FBXL6: variants seen among roughly 807,000 people sequenced by gnomAD.
FBXL6 encodes the protein F-box/LRR-repeat protein 6.
A neutral mutation model predicts 53.3 loss-of-function variants in FBXL6; 50 were observed. The ratio of observed to expected loss-of-function variants is 0.94; its 90% CI spans 0.75 to 1.19. FBXL6 has a LOEUF of 1.19. Among genes scored for constraint, FBXL6 ranks in the 50% most tolerant of loss-of-function variants. The probability of loss-of-function intolerance (pLI) is 0.00; values close to 1 mark genes in which losing one functional copy is unlikely to be tolerated. For synonymous variants in FBXL6, 405 were observed against 322.9 expected, an observed-to-expected ratio of 1.25 and a Z score of -2.73; for missense variants, 815 against 719.0, an observed-to-expected ratio of 1.13 and a Z score of -1.53.
In FBXL6 at chr8:144,357,450, G is replaced by A. The variant is rs782316664; in HGVS notation, c.628C>T (p.Pro210Ser). 2.5e-5 allele frequency: 41 copies of A among 1,612,784 alleles called. No individual in the cohort carries two copies. The highest frequency in any genetic ancestry group is 3.3e-5 in the Non-Finnish European group (39 of 1,179,694). Residue 210 changes from proline (P) to serine (S), a missense_variant, in exon 3 of 9, where the codon CCC becomes TCC. Physicochemically the swap from Pro to Ser is moderately conservative, Grantham distance 74. Coordinates refer to ENST00000331890, the MANE Select transcript of FBXL6 (RefSeq NM_012162.4). ...CCTGGAGCTCTCACCTTCAACACGGGGTGTACCTGAGACTTCCAGTGGATG... is the reference window on the plus strand; with the variant it reads ...CCTGGAGCTCTCACCTTCAACACGGAGTGTACCTGAGACTTCCAGTGGATG... ...TLIHWKSQVH[P>S]VLKLVGECCP... is the part of the protein sequence containing the mutation.
In FBXL6 at chr8:144,358,151, GGGTGCC is replaced by G; in HGVS notation, c.291_296del (p.Ala98_Pro99del). On this transcript the variant is annotated inframe_deletion, in exon 1 of 9. Transcript: ENST00000331890. ...CGGGCCCTTCCTCGGGCGTGGGCGT[GGGTGCC>G]GGTGCGGGTGCGGGCGCGGCCGCCG... is the stretch of plus-strand genomic sequence containing the variant. 2 of 1,541,048 alleles carry G rather than the reference GGGTGCC, an allele frequency of 1.3e-6. No individual in the cohort carries two copies. The highest frequency in any genetic ancestry group is 1.7e-6 in the Non-Finnish European group (2 of 1,152,056).
Position 144,355,613 on chromosome 8 carries a change from C to A in FBXL6, c.1538G>T (p.Arg513Leu), listed in dbSNP as rs377590753. 1 of 1,611,140 alleles carries A rather than the reference C, an allele frequency of 6.2e-7. No individual in the cohort carries two copies. The highest frequency in any genetic ancestry group is 1.3e-5 in the African/African-American group (1 of 74,838). ...GCCCCGGTAGGCCCGCTTCAGACCC[C>A]GGGGAAGGCAGCGGCAGGACTCCAG... ...LNLESCRCLP[R>L]GLKRAYRGLE... Residue 513 changes from arginine to leucine, a missense_variant, in exon 9 of 9, where the codon CGG becomes CTG. By Grantham distance (102) the Arg-to-Leu change is moderately radical. Transcript: ENST00000331890.
At chr8:144,357,949 C>T in intron 1 of FBXL6, 83 bp downstream of exon 1, 1 of 1,466,950 alleles carries the variant, frequency 6.8e-7, no homozygotes, top group Non-Finnish European at 8.9e-7. Context: ...ATGCTTTCGC[C>T]CTCCGCCCCC....
rs147758693 is a variant in FBXL6 at position 144,357,684 on chromosome 8, G to A, written c.519C>T (p.Gly173=). Residue 173 remains glycine, a synonymous_variant, in exon 2 of 9, where the codon GGC becomes GGT. Transcript: ENST00000331890. ...SSPLVGRPAK[G]GVKAEKKLLA... Reference sequence around the variant, plus strand: ...GGAGCTTCTTCTCCGCCTTGACCCCGCCCTTGGCAGGCCGGCCGACCAGCG... The same window carrying A: ...GGAGCTTCTTCTCCGCCTTGACCCCACCCTTGGCAGGCCGGCCGACCAGCG... The A allele has an allele frequency of 4.2e-5, 68 of 1,610,824 alleles. No homozygotes were observed. The African/African-American group carries it at 8.4e-4, about 20-fold the overall frequency.
Position 144,356,813 on chromosome 8 carries a change from G to A in FBXL6, c.874C>T (p.Leu292=), listed in dbSNP as rs782005596. The A allele has an allele frequency of 2.5e-6, 4 of 1,613,336 alleles. No individual in the cohort carries two copies. Among genetic ancestry groups the A allele is most frequent in the Non-Finnish European group, 3.4e-6 (4 of 1,180,002 alleles). The change falls in exon 5 of 9, where the codon CTG becomes TTG. Residue 292 remains leucine (L), a synonymous_variant. Transcript: ENST00000331890. The stretch of plus-strand genomic sequence containing the variant: ...TCCCACCAATGCCAACTTACCAGCA[G>A]TGCGCCCAGGATGGCTGTCGTCTGG... ...SSQTTAILGA[L]LGSCCPQLQV... is the part of the protein sequence containing the mutation.
chr8:144,355,536 T>G lies in FBXL6; in HGVS notation c.1615A>C (p.Ser539Arg). ...LEQLLTSPSP[S>R] The stretch of plus-strand genomic sequence containing the variant: ...TGTCCCAGGTCTGTGGCTGCCTAGC[T>G]GGGTGAGGGGCTGGTGAGCAGCTGC... The change falls in exon 9 of 9, where the codon AGC (serine) becomes CGC (arginine). Residue 539 changes from serine (S) to arginine (R), a missense_variant. Ser to Arg is a moderately radical substitution (Grantham distance 110). Coordinates refer to ENST00000331890, the MANE Select transcript of FBXL6 (RefSeq NM_012162.4). 2 of 1,608,402 alleles carry G rather than the reference T, an allele frequency of 1.2e-6. No homozygotes were observed. The highest frequency in any genetic ancestry group is 2.2e-5 in the South Asian group (2 of 90,974).
chr8:144,358,470 A>G lies in FBXL6; in HGVS notation c.-23T>C, dbSNP rs1239473429. 1.1e-5 allele frequency: 14 copies of G among 1,233,600 alleles called. No homozygotes were observed. The highest frequency in any genetic ancestry group is 1.4e-5 in the Non-Finnish European group (14 of 988,676). The allele number at this position is 1,233,600 out of a possible 1,614,324, so 76.4% of individuals were successfully genotyped here. ...CATGACCACCGACGGCGCTCGGGGA[A>G]GCCCCAGGGAGCGGAACGGGCGAGG... On this transcript the variant is annotated 5_prime_UTR_variant, in exon 1 of 9. Transcript: ENST00000331890.
chr8:144,358,344 G>A lies in FBXL6; in HGVS notation c.104C>T (p.Ser35Leu), dbSNP rs529178281. Reference protein sequence around the residue: ...WWWDRLAPRGSGYHLLQSDSM... With the variant: ...WWWDRLAPRGLGYHLLQSDSM... ...GTCGGACTGCAGCAGGTGGTACCCC[G>A]AGCCCCTCGGCGCCAGCCGGTCCCA... The change falls in exon 1 of 9, where the codon TCG becomes TTG. Residue 35 changes from serine to leucine, a missense_variant. By Grantham distance (145) the Ser-to-Leu change is moderately radical. Coordinates refer to ENST00000331890, the MANE Select transcript of FBXL6 (RefSeq NM_012162.4). 4.3e-5 allele frequency: 54 copies of A among 1,267,668 alleles called. No homozygotes were observed. The highest frequency in any genetic ancestry group is 5.4e-5 in the Non-Finnish European group (54 of 1,008,466). The allele number at this position is 1,267,668 out of a possible 1,614,324, so 78.5% of individuals were successfully genotyped here.
Position 144,356,181 on chromosome 8 carries a change from G to A in FBXL6, c.1259C>T (p.Thr420Met), listed in dbSNP as rs374549929. ...LEQLHLGLYG[T>M]SDRLTLAKEG... ...CTTGGCTAGAGTCAGCCGGTCTGAC[G>A]TGCCATACAGGCCCAGATGAAGCTG... Residue 420 changes from threonine to methionine, a missense_variant, in exon 8 of 9, where the codon ACG becomes ATG. Thr to Met is a moderately conservative substitution (Grantham distance 81). Transcript: ENST00000331890. The A allele has an allele frequency of 3.4e-5, 53 of 1,551,504 alleles. No homozygotes were observed. The highest frequency in any genetic ancestry group is 5.3e-5 in the East Asian group (2 of 37,894).
At chr8:144,355,835 G>A (rs1046369377) in intron 8 of FBXL6, 133 bp downstream of exon 8, 104 of 1,522,050 alleles carry the variant, frequency 6.8e-5, no homozygotes, top group Non-Finnish European at 9.0e-5. Context: ...CCCACCCCAC[G>A]CAGGGGCTTG....
chr8:144,356,166 G>A lies in FBXL6; in HGVS notation c.1274C>T (p.Thr425Ile), dbSNP rs1554852716. ...LGLYGTSDRLTLAKEGSPFLT... is the reference protein window; with the variant it reads ...LGLYGTSDRLILAKEGSPFLT... ...AAAGGGGCTGCCCTCCTTGGCTAGAGTCAGCCGGTCTGACGTGCCATACAG... is the reference window on the plus strand; with the variant it reads ...AAAGGGGCTGCCCTCCTTGGCTAGAATCAGCCGGTCTGACGTGCCATACAG... The change falls in exon 8 of 9, where the codon ACT (threonine) becomes ATT (isoleucine). Residue 425 changes from threonine to isoleucine, a missense_variant. Physicochemically the swap from Thr to Ile is moderately conservative, Grantham distance 89 (BLOSUM62 -1). Transcript: ENST00000331890. 1.9e-6 allele frequency: 3 copies of A among 1,612,954 alleles called. No individual in the cohort carries two copies. The highest frequency in any genetic ancestry group is 2.2e-5 in the East Asian group (1 of 44,880).
chr8:144,357,133 C>A lies in FBXL6; in HGVS notation c.640-12G>T. ...CACTCACCTACCAGCTGCGGGGAGA[C>A]AGAGGGGCAGCTGGGGTTGGGAGAC... On this transcript the variant is annotated splice_polypyrimidine_tract_variant and intron_variant, in intron 3 of 8. Transcript: ENST00000331890. 6.2e-7 allele frequency: 1 copy of A among 1,612,694 alleles called. No homozygotes were observed.
rs374712587 is a variant in FBXL6, at chr8:144,357,514, G to A, written c.576-12C>T. ...GGAGCTGTGAAAACCTGGGCCGACA[G>A]CGGAGGCAGAGCTGCACTAATGTTC... On this transcript the variant is annotated splice_polypyrimidine_tract_variant and intron_variant, in intron 2 of 8. Transcript: ENST00000331890. The A allele has an allele frequency of 9.3e-6, 15 of 1,613,292 alleles. No individual in the cohort carries two copies. The African/African-American group carries it at 1.7e-4, about 19-fold the overall frequency.
At chr8:144,357,153 G>A (rs1246861462) in intron 3 of FBXL6, 32 bp from the exon 4 acceptor site, 1 of 1,611,936 alleles carries the variant, frequency 6.2e-7, no homozygotes, top group Non-Finnish European at 8.5e-7. Flanking sequence ...GCTGGGGTTG[G>A]GAGACGACAG....
chr8:144,357,134 A>T lies in FBXL6; in HGVS notation c.640-13T>A. ...ACTCACCTACCAGCTGCGGGGAGAC[A>T]GAGGGGCAGCTGGGGTTGGGAGACG... is the stretch of plus-strand genomic sequence containing the variant. On this transcript the variant is annotated splice_polypyrimidine_tract_variant and intron_variant, in intron 3 of 8. Transcript: ENST00000331890. The T allele has an allele frequency of 6.2e-7, 1 of 1,612,736 alleles. No individual in the cohort carries two copies. Among genetic ancestry groups the T allele is most frequent in the Non-Finnish European group, 8.5e-7 (1 of 1,179,904 alleles).
chr8:144,357,719 G>T lies in FBXL6; in HGVS notation c.484C>A (p.Leu162Met). ...SQPALWHTVTLSSPLVGRPAK... is the reference protein window; with the variant it reads ...SQPALWHTVTMSSPLVGRPAK... ...GGCCGGCCGACCAGCGGGGACGACA[G>T]GGTCACGGTGTGCCAGAGCGCGGGT... Residue 162 changes from leucine to methionine, a missense_variant, in exon 2 of 9, where the codon CTG (leucine) becomes ATG (methionine). Leu to Met is a conservative substitution (Grantham distance 15). Transcript: ENST00000331890. 1 of 1,608,324 alleles carries T rather than the reference G, an allele frequency of 6.2e-7. No individual in the cohort carries two copies.
chr8:144,358,296 T>G lies in FBXL6; in HGVS notation c.152A>C (p.Glu51Ala). Residue 51 changes from glutamate to alanine, a missense_variant, in exon 1 of 9, where the codon GAA (glutamate) becomes GCA (alanine). By Grantham distance (107) the Glu-to-Ala change is moderately radical. Transcript: ENST00000331890. ...TGCGCGGGGCCGGGCGGGGCCGGGT[T>G]CGGACAGCACCAGCAGCATGCTGTC... The part of the protein sequence containing the change: ...QSDSMLLVLS[E>A]PGPARPRAQR... The G allele has an allele frequency of 2.4e-6, 3 of 1,249,856 alleles. No individual in the cohort carries two copies. The highest frequency in any genetic ancestry group is 6.2e-4 in the Middle Eastern group (2 of 3,234). 77.4% of individuals were successfully genotyped at this position (1,249,856 alleles called of 1,614,324 possible).
rs782035426 is a variant in FBXL6, at chr8:144,358,154, TGCCGGTGCGGGTGCGGGCGCGGCC to T, written c.270_293del (p.Ala91_Ala98del). ...GCCCTTCCTCGGGCGTGGGCGTGGG[TGCCGGTGCGGGTGCGGGCGCGGCC>T]GCCGCCTCGGACCTGAGCCCGGCCT... On this transcript the variant is annotated inframe_deletion, in exon 1 of 9. Coordinates refer to ENST00000331890, the MANE Select transcript of FBXL6 (RefSeq NM_012162.4). 40 of 1,537,116 alleles carry T rather than the reference TGCCGGTGCGGGTGCGGGCGCGGCC, an allele frequency of 2.6e-5. 1 individual carries two copies. The South Asian group carries it at 4.5e-4, about 17-fold the overall frequency.
Position 144,358,440 on chromosome 8 carries a change from G to A in FBXL6, c.8C>T (p.Ala3Val), listed in dbSNP as rs1554853509. Residue 3 changes from alanine to valine, a missense_variant, in exon 1 of 9, where the codon GCC (alanine) becomes GTC (valine). Transcript: ENST00000331890. Reference sequence around the variant, plus strand: ...GCGTCGGACCTGCCGGGAGGCTGGGGCAGCCATGACCACCGACGGCGCTCG... The same window carrying A: ...GCGTCGGACCTGCCGGGAGGCTGGGACAGCCATGACCACCGACGGCGCTCG... MA[A>V]PASRQVRRRA... The A allele has an allele frequency of 5.6e-6, 7 of 1,242,884 alleles. No homozygotes were observed. The highest frequency in any genetic ancestry group is 3.1e-4 in the Middle Eastern group (1 of 3,230). 77.0% of individuals were successfully genotyped at this position (1,242,884 alleles called of 1,614,324 possible).
Sources: allele counts gnomAD v4.1 joint callset, GRCh38; gene constraint gnomAD v4.1.1; transcripts MANE v1.5; gene names NCBI Gene and HGNC (gene_info 2026-07-23, HGNC 2026-07-21).